The following FRMD6 variants were observed in gnomAD, a reference collection of about 807,000 sequenced individuals.
FRMD6 encodes FERM domain containing 6.
A neutral mutation model predicts 73.2 loss-of-function variants in FRMD6; 37 were observed. That is an observed-to-expected ratio of 0.51 (90% CI 0.39 to 0.66). The LOEUF is 0.66. FRMD6 is among the 30% of genes least tolerant of loss of function. The pLI, the probability that FRMD6 is intolerant of heterozygous loss-of-function variation, is 0.00. For synonymous variants in FRMD6, 273 were observed against 282.2 expected (o/e 0.97, Z 0.33); for missense variants, 714 against 780.5 (o/e 0.91, Z 1.02).
intron 1 of FRMD6, among the ~76,000 whole-genome samples, chr14:51,552,230 A>G (rs1031946869): frequency 1.3e-5 from 2 of 152,268 alleles, no homozygotes; most frequent in African/African-American, 4.8e-5. Context: ...ATAGATCTTT[A>G]CTAACATCTG....
At chr14:51,716,880 A>G (rs1009370854) in intron 10 of FRMD6, among the ~76,000 whole-genome samples, 9 of 152,252 alleles carry the variant, frequency 5.9e-5, no homozygotes, top group African/African-American at 1.9e-4. Context: ...AATAGGTGAC[A>G]TAATTACGTG....
intron 1 of FRMD6, among the ~76,000 whole-genome samples, chr14:51,664,345 A>G (rs1023203796): frequency 3.4e-4 from 52 of 152,330 alleles, no homozygotes; most frequent in African/African-American, 1.2e-3. Context: ...GTATTTTATA[A>G]TTATACACCA....
At position 51,669,867 on chromosome 14, in the gene FRMD6, A is replaced by G. The variant is rs184791213; in HGVS notation, c.-147+17871A>G. Among the ~76,000 whole-genome samples the G allele has an allele frequency of 1.2e-3, 181 of 151,096 alleles. 1 individual carries two copies. Among genetic ancestry groups the G allele is most frequent in the Non-Finnish European group, 2.1e-3 (143 of 67,994 alleles). The stretch of plus-strand genomic sequence containing the variant: ...TTAAAAAGCAAAATTTTTGTGGTTC[A>G]TGTTTTTAATGCCCTAAGAAAACCA... On this transcript the variant is annotated intron_variant, in intron 1 of 13. Coordinates refer to ENST00000344768, the MANE Select transcript of FRMD6 (RefSeq NM_001267046.2).
At chr14:51,600,537 T>C (rs1050751846) in intron 2 of FRMD6, among the ~76,000 whole-genome samples, 4 of 152,196 alleles carry the variant, frequency 2.6e-5, no homozygotes, top group Admixed American at 6.5e-5. Flanking sequence ...GTTCCTGACA[T>C]ACCCATTTAT....
At chr14:51,452,968 G>C in the FRMD6 span, among the ~76,000 whole-genome samples, 1 of 152,182 alleles carries the variant, frequency 6.6e-6, no homozygotes, top group African/African-American at 2.4e-5. Context: ...GTTGCTTCCA[G>C]GGAGAACGGA....
intron 1 of FRMD6, among the ~76,000 whole-genome samples, chr14:51,538,098 T>C (rs1351389688): frequency 6.6e-6 from 1 of 152,184 alleles, no homozygotes; most frequent in South Asian, 2.1e-4. Flanking sequence ...GTCATCTAGA[T>C]TTTCTCTTGT....
chr14:51,579,707 C>A (rs961933265), intron 2 of FRMD6, among the ~76,000 whole-genome samples: 4 of 152,098 alleles, frequency 2.6e-5, no homozygotes, highest in African/African-American at 9.7e-5. Context: ...ATTGTTGAAT[C>A]CTGCTTTTCA....
intron 1 of FRMD6, among the ~76,000 whole-genome samples, chr14:51,516,798 T>C (rs910548980): frequency 3.1e-4 from 47 of 152,164 alleles, no homozygotes; most frequent in African/African-American, 8.7e-4. Context: ...AAGTAACCCA[T>C]TATGCAAATG....
chr14:51,603,324 G>A lies in FRMD6; in HGVS notation c.-147+32914G>A, dbSNP rs149062875. Among the ~76,000 whole-genome samples the A allele has an allele frequency of 7.9e-3, 1,199 of 152,218 alleles. 14 individuals are homozygous for A. The highest frequency in any genetic ancestry group is 0.027 in the African/African-American group (1,113 of 41,530). On this transcript the variant is annotated intron_variant, in intron 2 of 14. Transcript: ENST00000356218. ...ACAAGTGGCATAAAAACTGTTTCCA[G>A]TTTTAACTCTTTATACAACATGAAC... is the stretch of plus-strand genomic sequence containing the variant.
At chr14:51,522,048 T>A (rs1884983677) in intron 1 of FRMD6, among the ~76,000 whole-genome samples, 1 of 152,176 alleles carries the variant, frequency 6.6e-6, no homozygotes, top group Non-Finnish European at 1.5e-5. Flanking sequence ...ATTTAAAATG[T>A]ACCAGGATTA....
Position 51,540,560 on chromosome 14 carries a change from C to A in FRMD6, c.-209-29788C>A, listed in dbSNP as rs145502595. On this transcript the variant is annotated intron_variant, in intron 1 of 14. Transcript: ENST00000356218. ...GCTCAATGAAAATTGGACAGAATGT[C>A]TTAAATAAGATGATTCATGGCAAAC... 2.7e-4 allele frequency among the ~76,000 whole-genome samples: 41 copies of A among 152,188 alleles called. No homozygotes were observed. The East Asian group carries it at 7.5e-3, about 28-fold the overall frequency.
chr14:51,522,898 A>G (rs898949099), intron 1 of FRMD6: 1 of 152,232 alleles, frequency 6.6e-6, no homozygotes, highest in Non-Finnish European at 1.5e-5. Context: ...CTCAATTGGA[A>G]CAATATGGGG....
intron 2 of FRMD6, among the ~76,000 whole-genome samples, chr14:51,615,723 A>G (rs899342994): frequency 5.3e-5 from 8 of 152,178 alleles, no homozygotes; most frequent in African/African-American, 1.9e-4. Flanking sequence ...CAAAGGAAGA[A>G]CCTCACTTGA....
At chr14:51,635,690 G>C (rs775094609) in intron 2 of FRMD6, among the ~76,000 whole-genome samples, 21 of 152,178 alleles carry the variant, frequency 1.4e-4, no homozygotes, top group Non-Finnish European at 2.9e-4. Flanking sequence ...GGACTTCTGT[G>C]TGTCTCCTAT....
the FRMD6 span, among the ~76,000 whole-genome samples, chr14:51,456,903 A>G: frequency 1.3e-5 from 2 of 152,216 alleles, no homozygotes; most frequent in East Asian, 3.8e-4. Flanking sequence ...TCAAAAGATA[A>G]ATACTGCATG....
Position 51,627,579 on chromosome 14 carries a change from G to C in FRMD6, c.-147+57169G>C, listed in dbSNP as rs576715403. Among the ~76,000 whole-genome samples, 4 of 152,252 alleles carry C rather than the reference G, an allele frequency of 2.6e-5. No homozygotes were observed. The South Asian group carries it at 8.3e-4, about 32-fold the overall frequency. On this transcript the variant is annotated intron_variant, in intron 2 of 14. Transcript: ENST00000356218. ...AGAGATAGGCTGCTGGGCCAAGACA[G>C]GAAATGGCAGAATGGACATATTGGG...
chr14:51,539,312 C>G (rs1403180177), intron 1 of FRMD6, among the ~76,000 whole-genome samples: 5 of 148,932 alleles, frequency 3.4e-5, no homozygotes, highest in African/African-American at 7.6e-5. Flanking sequence ...GGGAAGCCAT[C>G]ATAGTACTGT....
chr14:51,652,386 G>C (rs538879762), intron 1 of FRMD6, among the ~76,000 whole-genome samples: 1 of 152,270 alleles, frequency 6.6e-6, no homozygotes, highest in Admixed American at 6.5e-5. Flanking sequence ...CTCCGTGCGC[G>C]GTCCCTGGTT....
intron 2 of FRMD6, among the ~76,000 whole-genome samples, chr14:51,574,990 T>A (rs1468562551): frequency 6.6e-6 from 1 of 152,122 alleles, no homozygotes; most frequent in Non-Finnish European, 1.5e-5. Context: ...ATAAAATAAA[T>A]TTTTAAAAGG....
Sources: allele counts gnomAD v4.1 joint callset (sites outside exome capture counted in the v4.1 genomes callset), GRCh38; gene constraint gnomAD v4.1.1; transcripts MANE v1.5; gene names NCBI Gene and HGNC (gene_info 2026-07-23, HGNC 2026-07-21).